PCDHGB2: variants seen among roughly 807,000 people sequenced by gnomAD.
The protein encoded by PCDHGB2 is protocadherin gamma subfamily B, 2.
PCDHGB2 carries 55 observed loss-of-function variants against 59.3 expected under a neutral mutation model. That is an observed-to-expected ratio of 0.93 (90% CI 0.75 to 1.16). PCDHGB2 has a LOEUF of 1.16. Ranked by LOEUF, PCDHGB2 falls within the 50% of genes most tolerant of loss-of-function variation. The pLI is 0.00. For synonymous variants in PCDHGB2, 516 were observed against 512.0 expected, an observed-to-expected ratio of 1.01 and a Z score of -0.11; for missense variants, 1,228 against 1,198.5, an observed-to-expected ratio of 1.02 and a Z score of -0.36.
At chr5:141,367,133 A>G (rs1764963646) in intron 1 of PCDHGB2, 1 of 207,884 alleles carries the variant, frequency 4.8e-6, no homozygotes, top group Non-Finnish European at 9.7e-6. Context: ...GTGTTTTGGA[A>G]AGGATAATGT....
intron 1 of PCDHGB2, chr5:141,423,368 C>A: frequency 3.1e-6 from 5 of 1,614,200 alleles, no homozygotes; most frequent in Non-Finnish European, 4.2e-6. Context: ...GTGCTGCTGG[C>A]ACTCAGGCTG....
At chr5:141,377,587 C>A (rs1272601199) in intron 1 of PCDHGB2, 2 of 147,530 alleles carry the variant, frequency 1.4e-5, no homozygotes, top group African/African-American at 5.1e-5. Flanking sequence ...CAGAATGAGA[C>A]TTTTTCTCTC....
At chr5:141,418,922 C>A in intron 1 of PCDHGB2, 1 of 1,613,994 alleles carries the variant, frequency 6.2e-7, no homozygotes, top group Non-Finnish European at 8.5e-7. Context: ...ACTCTCTGAT[C>A]AGATTATGGA....
At chr5:141,412,067 G>A (rs1428018643) in intron 1 of PCDHGB2, 2 of 152,170 alleles carry the variant, frequency 1.3e-5, no homozygotes, top group Non-Finnish European at 2.9e-5. Context: ...TTGCATTTGA[G>A]GGAACAATTG....
intron 1 of PCDHGB2, among the ~76,000 whole-genome samples, chr5:141,492,539 G>A (rs1474928199): frequency 1.3e-5 from 2 of 152,200 alleles, no homozygotes; most frequent in African/African-American, 2.4e-5. Context: ...GCCCCGGGCT[G>A]GGCCGGGTCG....
intron 1 of PCDHGB2, chr5:141,415,055 C>T (rs767474996): frequency 6.2e-7 from 1 of 1,613,400 alleles, no homozygotes; most frequent in African/African-American, 1.3e-5. Flanking sequence ...GGGGAGCACA[C>T]GGGCGAGGTG....
At chr5:141,365,563 C>A (rs754759386) in intron 1 of PCDHGB2, 51 of 1,613,580 alleles carry the variant, frequency 3.2e-5, no homozygotes, top group Non-Finnish European at 3.8e-5. Flanking sequence ...GGGACCTGGA[C>A]AGAGAAGAGA....
At chr5:141,460,864 A>C (rs1220160866) in intron 1 of PCDHGB2, among the ~76,000 whole-genome samples, 1 of 151,800 alleles carries the variant, frequency 6.6e-6, no homozygotes, top group East Asian at 1.9e-4. Flanking sequence ...AAGTTGCTGC[A>C]AAGGACATTA....
intron 2 of PCDHGB2, among the ~76,000 whole-genome samples, chr5:141,500,892 G>GAT (rs1036007799): frequency 1.1e-5 from 1 of 88,010 alleles, no homozygotes; most frequent in African/African-American, 7.1e-5. Flanking sequence ...TTTTTTTTGA[G>GAT]ACAGTCTCGC....
chr5:141,419,515 G>T, intron 1 of PCDHGB2: 1 of 1,612,264 alleles, frequency 6.2e-7, no homozygotes, highest in Non-Finnish European at 8.5e-7. Flanking sequence ...GCGTGTTGGT[G>T]GGCGACCGTA....
chr5:141,375,655 G>C (rs117560542), intron 1 of PCDHGB2: 2 of 1,614,128 alleles, frequency 1.2e-6, no homozygotes, highest in African/African-American at 2.7e-5. Context: ...ACTATGAGCA[G>C]TTGAGAGACC....
intron 1 of PCDHGB2, chr5:141,383,856 T>C (rs1307177086): frequency 6.2e-7 from 1 of 1,613,964 alleles, no homozygotes; most frequent in Admixed American, 1.7e-5. Flanking sequence ...AAATGGAGGT[T>C]CAGGCTCAAG....
chr5:141,394,365 C>T (rs1451388519), intron 1 of PCDHGB2: 1 of 1,614,212 alleles, frequency 6.2e-7, no homozygotes, highest in South Asian at 1.1e-5. Context: ...GTATGCGCTG[C>T]AATCTTTCGA....
At chr5:141,443,977 AT>A (rs1443967001) in intron 1 of PCDHGB2, among the ~76,000 whole-genome samples, 1 of 152,020 alleles carries the variant, frequency 6.6e-6, no homozygotes, top group African/African-American at 2.4e-5. Context: ...CATCTAAGCT[AT>A]GTTAATTTTA....
At chr5:141,389,288 T>C (rs1434265418) in intron 1 of PCDHGB2, 1 of 1,613,906 alleles carries the variant, frequency 6.2e-7, no homozygotes, top group Admixed American at 1.7e-5. Flanking sequence ...CTGGAGCCTC[T>C]ATTTCACAAG....
intron 1 of PCDHGB2, chr5:141,390,362 G>A: frequency 6.5e-7 from 1 of 1,533,010 alleles, no homozygotes. Flanking sequence ...ATATTTGCAG[G>A]AAAATATATA....
At chr5:141,505,260 C>T in intron 2 of PCDHGB2, 133 bp from the exon 3 acceptor site, 2 of 1,502,832 alleles carry the variant, frequency 1.3e-6, no homozygotes, top group South Asian at 1.3e-5. Context: ...TGCCTCCTAC[C>T]TTGCTGAGAG....
In PCDHGB2 at chr5:141,398,540, T is replaced by C. The variant is rs372892054; in HGVS notation, c.2421+35984T>C. On this transcript the variant is annotated intron_variant, in intron 1 of 3. Transcript: ENST00000522605. The stretch of plus-strand genomic sequence containing the variant: ...ACGCCAAAATTCACGCAAAATTCCT[T>C]TGAGCTGCAAATAAGTGAGTCTGCA... 12 of 1,613,764 alleles carry C rather than the reference T, an allele frequency of 7.4e-6. No homozygotes were observed. The African/African-American group carries it at 1.2e-4, about 16-fold the overall frequency.
chr5:141,385,707 A>C (rs1397936755), intron 1 of PCDHGB2: 1 of 259,744 alleles, frequency 3.8e-6, no homozygotes, highest in Non-Finnish European at 6.2e-6. Flanking sequence ...TTTAGCATTC[A>C]AATATGTAAA....
Sources: gnomAD v4.1 joint callset for allele counts (sites outside exome capture counted in the v4.1 genomes callset) on GRCh38, gnomAD v4.1.1 for gene constraint, MANE v1.5 for transcripts, NCBI Gene and HGNC (gene_info 2026-07-23, HGNC 2026-07-21) for gene names.